RAPH1: variants seen among roughly 807,000 people sequenced by gnomAD.
The protein encoded by RAPH1 is ras-associated and pleckstrin homology domains-containing protein 1.
Under a neutral mutation model 88.1 loss-of-function variants are expected in RAPH1, and 18 were observed. That is an observed-to-expected ratio of 0.20 (90% CI 0.14 to 0.30). The LOEUF is 0.30. Among genes scored for constraint, RAPH1 ranks in the 10% least tolerant of loss-of-function variants. RAPH1 has a pLI of 1.00. For missense variants in RAPH1, 1,448 were observed against 1,543.2 expected, an observed-to-expected ratio of 0.94 and a Z score of 1.03; for synonymous variants, 587 against 559.0, an observed-to-expected ratio of 1.05 and a Z score of -0.71.
At position 203,448,270 on chromosome 2, in the gene RAPH1, G is replaced by T. The variant is rs1362206460; in HGVS notation, c.1513-191C>A. 6.6e-6 allele frequency among the ~76,000 whole-genome samples: 1 copy of T among 152,040 alleles called. No homozygotes were observed. The highest frequency in any genetic ancestry group is 1.5e-5 in the Non-Finnish European group (1 of 68,002). ...TCTTATTTCTCCTCATTTTTAGAGGGGCAGCAAGAAGTCAACACTTGATTC... is the reference window on the plus strand; with the variant it reads ...TCTTATTTCTCCTCATTTTTAGAGGTGCAGCAAGAAGTCAACACTTGATTC... On this transcript the variant is annotated intron_variant, in intron 11 of 13. Coordinates refer to ENST00000319170, the MANE Select transcript of RAPH1 (RefSeq NM_213589.3). This position sits in a 1 kb window ranked among gnomAD's most constrained non-coding sequence, Gnocchi z 4.1.
At chr2:203,453,827 G>T (rs1482451214) in intron 10 of RAPH1, among the ~76,000 whole-genome samples, 1 of 151,802 alleles carries the variant, frequency 6.6e-6, no homozygotes, top group Admixed American at 6.6e-5. Context: ...TGTTCTAATA[G>T]ATCACTATAA....
chr2:203,493,988 A>AAAAAAAAAG (rs1188443234), intron 2 of RAPH1, among the ~76,000 whole-genome samples: 1 of 150,390 alleles, frequency 6.6e-6, no homozygotes, highest in Non-Finnish European at 1.5e-5. Flanking sequence ...AAAAAAAAAA[A>AAAAAAAAAG]AAAAAAAAAA....
chr2:203,459,060 G>A (rs906836921), intron 7 of RAPH1, among the ~76,000 whole-genome samples: 11 of 148,816 alleles, frequency 7.4e-5, no homozygotes, highest in Admixed American at 4.0e-4. Flanking sequence ...TAGTAGAGAC[G>A]GGGTTTCACC....
intron 1 of RAPH1, among the ~76,000 whole-genome samples, chr2:203,522,895 C>CAAAAAAAA (rs59862473): frequency 1.2e-5 from 1 of 85,834 alleles, no homozygotes; most frequent in Non-Finnish European, 2.2e-5. Context: ...GACTCTGTCT[C>CAAAAAAAA]AAAAAAAAAA....
rs150553520 is a variant in RAPH1, at chr2:203,435,603, C to A, written c.*3834G>T. On this transcript the variant is annotated 3_prime_UTR_variant, in exon 14 of 14. Transcript: ENST00000319170. ...AGTCACCCTCTCGTCAAGTGTATGA[C>A]CCAATTATACCTATTTTATGAAAAG... 4.9e-4 allele frequency: 74 copies of A among 152,026 alleles called. No individual in the cohort carries two copies. The highest frequency in any genetic ancestry group is 1.7e-3 in the African/African-American group (71 of 41,472). 9.4% of individuals were successfully genotyped at this position (152,026 alleles called of 1,614,324 possible).
chr2:203,522,740 A>G (rs1287570624), intron 1 of RAPH1, among the ~76,000 whole-genome samples: 1 of 151,886 alleles, frequency 6.6e-6, no homozygotes, highest in Non-Finnish European at 1.5e-5. Context: ...CATCTCTACT[A>G]AAACTACAAA....
Position 203,448,808 on chromosome 2 carries a change from T to C in RAPH1, c.1442A>G (p.Tyr481Cys). Reference protein sequence around the residue: ...KHPQIQKKSQYIKYLCCDDVR... With the variant: ...KHPQIQKKSQCIKYLCCDDVR... ...ATCATCACAACAAAGGTATTTGATA[T>C]ATTGAGATTTCTTCTGGATTTGTGG... The change falls in exon 11 of 14, where the codon TAT becomes TGT. Residue 481 changes from tyrosine to cysteine, a missense_variant. Transcript: ENST00000319170. The surrounding 1 kb of genome is among the most constrained non-coding windows in gnomAD (Gnocchi z 4.1). 6.2e-7 allele frequency: 1 copy of C among 1,611,150 alleles called. No individual in the cohort carries two copies. The highest frequency in any genetic ancestry group is 8.5e-7 in the Non-Finnish European group (1 of 1,178,934).
intron 4 of RAPH1, among the ~76,000 whole-genome samples, chr2:203,488,409 T>G (rs1581343126): frequency 6.6e-6 from 1 of 151,216 alleles, no homozygotes; most frequent in East Asian, 2.0e-4. Context: ...GCCAGCATGG[T>G]GAAACCCCGT....
At chr2:203,520,126 G>C (rs553105521) in intron 1 of RAPH1, among the ~76,000 whole-genome samples, 1 of 151,906 alleles carries the variant, frequency 6.6e-6, no homozygotes, top group Non-Finnish European at 1.5e-5. Context: ...TCAAGAGTTC[G>C]AGACCAGCCT....
In RAPH1 at chr2:203,434,566, C is replaced by CAAAAAAAAAA. The variant is rs369267717; in HGVS notation, c.*4861_*4870dup. 1 of 102,598 alleles carries CAAAAAAAAAA rather than the reference C, an allele frequency of 9.7e-6. No individual in the cohort carries two copies. Among genetic ancestry groups the CAAAAAAAAAA allele is most frequent in the African/African-American group, 3.0e-5 (1 of 33,004 alleles). The allele number at this position is 102,598 out of a possible 1,614,324, so 6.4% of individuals were successfully genotyped here. A position where few individuals can be genotyped will look rare whatever the true frequency, so the allele number is the denominator to read the frequency against. On this transcript the variant is annotated 3_prime_UTR_variant, in exon 14 of 14. Transcript: ENST00000319170. ...CTAGAAGGGGTTATTTTACAAGTAG[C>CAAAAAAAAAA]AAAAAAAAAAAAAAAAGTAGGAGGT... is the stretch of plus-strand genomic sequence containing the variant.
intron 9 of RAPH1, 138 bp from the exon 10 acceptor site, chr2:203,454,678 A>G: frequency 1.6e-6 from 1 of 607,550 alleles, no homozygotes; most frequent in East Asian, 2.8e-5. Flanking sequence ...TACACGAGAC[A>G]ATGAGATGCT....
intron 4 of RAPH1, among the ~76,000 whole-genome samples, chr2:203,482,991 A>G (rs10209728): frequency 7.9e-5 from 12 of 152,160 alleles, no homozygotes; most frequent in Admixed American, 4.6e-4. Context: ...GCAGGGTTGA[A>G]TAAGTGCAAA....
chr2:203,483,896 T>C (rs966621128), intron 4 of RAPH1, among the ~76,000 whole-genome samples: 3 of 152,192 alleles, frequency 2.0e-5, no homozygotes, highest in African/African-American at 7.2e-5. Flanking sequence ...TACCCAGGCC[T>C]TCAGCCTAGG....
Position 203,448,020 on chromosome 2 carries a change from A to G in RAPH1, c.1572T>C (p.Tyr524=). ...TGGAGCTGGATAAGGAAGTCCAATC[A>G]TAGGCTGACTCTGTCCTCTTCAAGG... ...QEALKRTESA[Y]DWTSLSSSSI... is the part of the protein sequence containing the mutation. Residue 524 remains tyrosine (Y), a synonymous_variant, in exon 12 of 14, where the codon TAT becomes TAC. Transcript: ENST00000319170. The surrounding 1 kb of genome is among the most constrained non-coding windows in gnomAD (Gnocchi z 4.1). 6.2e-7 allele frequency: 1 copy of G among 1,613,904 alleles called. No homozygotes were observed. Among genetic ancestry groups the G allele is most frequent in the South Asian group, 1.1e-5 (1 of 91,078 alleles).
At position 203,438,427 on chromosome 2, in the gene RAPH1, A is replaced by G; in HGVS notation, c.*1010T>C. ...GGGGCACAGGATGTGTATATTTCATATACCAATTGTCTACAGATATGTAAT... is the reference window on the plus strand; with the variant it reads ...GGGGCACAGGATGTGTATATTTCATGTACCAATTGTCTACAGATATGTAAT... On this transcript the variant is annotated 3_prime_UTR_variant, in exon 14 of 14. Coordinates refer to ENST00000319170, the MANE Select transcript of RAPH1 (RefSeq NM_213589.3). The G allele has an allele frequency of 3.1e-6, 1 of 326,110 alleles. No individual in the cohort carries two copies. Among genetic ancestry groups the G allele is most frequent in the South Asian group, 2.5e-5 (1 of 39,770 alleles). The allele number at this position is 326,110 out of a possible 1,614,324, so 20.2% of individuals were successfully genotyped here.
At position 203,435,009 on chromosome 2, in the gene RAPH1, A is replaced by C. The variant is rs932895778; in HGVS notation, c.*4428T>G. The stretch of plus-strand genomic sequence containing the variant: ...AAAAATATTCTGCCAAAAGAGTTGA[A>C]GGCACTGGGGGTTTACAGCAAGTAT... On this transcript the variant is annotated 3_prime_UTR_variant, in exon 14 of 14. Coordinates refer to ENST00000319170, the MANE Select transcript of RAPH1 (RefSeq NM_213589.3). 2 of 152,640 alleles carry C rather than the reference A, an allele frequency of 1.3e-5. No individual in the cohort carries two copies. Among genetic ancestry groups the C allele is most frequent in the East Asian group, 3.8e-4 (2 of 5,202 alleles). 9.5% of individuals were successfully genotyped at this position (152,640 alleles called of 1,614,324 possible). A position where few individuals can be genotyped will look rare whatever the true frequency, so the allele number is the denominator to read the frequency against.
chr2:203,483,648 AGT>A (rs1376327378), intron 4 of RAPH1, among the ~76,000 whole-genome samples: 1 of 152,150 alleles, frequency 6.6e-6, no homozygotes, highest in Non-Finnish European at 1.5e-5. Flanking sequence ...TGTCTGTGAG[AGT>A]GTTTCCAGAG....
Position 203,489,670 on chromosome 2 carries a change from C to G in RAPH1, c.646G>C (p.Ala216Pro). 6.2e-7 allele frequency: 1 copy of G among 1,614,140 alleles called. No homozygotes were observed. The highest frequency in any genetic ancestry group is 8.5e-7 in the Non-Finnish European group (1 of 1,180,026). Residue 216 changes from alanine to proline, a missense_variant, in exon 4 of 14, where the codon GCC becomes CCC. Around this residue, in one of 2 missense-constraint regions of RAPH1, gnomAD observed 513 missense variants for 653.1 expected, o/e 0.79. Coordinates refer to ENST00000319170, the MANE Select transcript of RAPH1 (RefSeq NM_213589.3). Reference protein sequence around the residue: ...NSSHSSITSAASSMDSLDIDK... With the variant: ...NSSHSSITSAPSSMDSLDIDK... ...ATATCCAAAGAGTCCATGCTGGAGG[C>G]TGCGGAAGTGATGCTGGAATGGGAG... is the stretch of plus-strand genomic sequence containing the variant.
At chr2:203,524,216 G>A (rs183954721) in intron 1 of RAPH1, among the ~76,000 whole-genome samples, 1 of 152,180 alleles carries the variant, frequency 6.6e-6, no homozygotes, top group South Asian at 2.1e-4. Context: ...ATCAGCGAAA[G>A]GTGAATTAAA....
Sources: gnomAD v4.1 joint callset for allele counts (sites outside exome capture counted in the v4.1 genomes callset) on GRCh38, gnomAD v4.1.1 for gene constraint, gnomAD v4.1.1 regional missense constraint, Gnocchi (gnomAD v3.1) non-coding constraint, MANE v1.5 for transcripts, NCBI Gene and HGNC (gene_info 2026-07-23, HGNC 2026-07-21) for gene names.